The following PRKX variants were observed in gnomAD, a reference collection of about 807,000 sequenced individuals.
The protein encoded by PRKX is protein kinase cAMP-dependent X-linked catalytic subunit.
A neutral mutation model predicts 22.0 loss-of-function variants in PRKX; 12 were observed. That is an observed-to-expected ratio of 0.54 (90% CI 0.35 to 0.88). The LOEUF (loss-of-function observed/expected upper bound fraction) is 0.88. Among genes scored for constraint, PRKX ranks in the 40% least tolerant of loss-of-function variants. The pLI is 0.01. For synonymous variants in PRKX, 134 were observed against 137.7 expected, an observed-to-expected ratio of 0.97 and a Z score of 0.19; for missense variants, 217 against 308.0, an observed-to-expected ratio of 0.70 and a Z score of 2.21.
chrX:3,699,582 G>A (rs777518189), intron 1 of PRKX, among the ~76,000 whole-genome samples: 45 of 111,009 alleles, frequency 4.1e-4, no homozygotes, highest in Non-Finnish European at 7.2e-4. Context: ...TCAAACTCCT[G>A]ACCTCAGGTG....
intron 1 of PRKX, among the ~76,000 whole-genome samples, chrX:3,697,721 T>G (rs12397026): frequency 0.47 from 50,932 of 108,560 alleles, 10,136 homozygotes; most frequent in African/African-American, 0.73. Flanking sequence ...CACTTTTTTG[T>G]TTTTGTTTTT....
At chrX:3,637,219 A>C (rs951968799) in intron 4 of PRKX, among the ~76,000 whole-genome samples, 1 of 110,830 alleles carries the variant, frequency 9.0e-6, no homozygotes, top group Non-Finnish European at 1.9e-5. Context: ...GCACGTTTAA[A>C]AAGCAGTGGG....
At chrX:3,663,463 CACACAA>C (rs774346440) in intron 2 of PRKX, among the ~76,000 whole-genome samples, 148 of 79,212 alleles carry the variant, frequency 1.9e-3, no homozygotes, top group African/African-American at 6.4e-3. Context: ...CACACACACA[CACACAA>C]AAAAATTCAA....
intron 4 of PRKX, among the ~76,000 whole-genome samples, chrX:3,638,973 TAAAGAGATGG>T (rs1926960973): frequency 1.0e-5 from 1 of 100,276 alleles, no homozygotes; most frequent in South Asian, 5.1e-4. Flanking sequence ...ATCGTAGAGA[TAAAGAGATGG>T]AGAGAGATGG....
At chrX:3,673,170 C>T (rs1247383146) in intron 2 of PRKX, among the ~76,000 whole-genome samples, 2 of 111,012 alleles carry the variant, frequency 1.8e-5, no homozygotes, top group Non-Finnish European at 1.9e-5. Context: ...CCCTGTGTCC[C>T]GGGGACAGCA....
chrX:3,662,997 TTAAAAAA>T (rs1927633721), intron 2 of PRKX, among the ~76,000 whole-genome samples: 1 of 32,467 alleles, frequency 3.1e-5, no homozygotes, highest in Non-Finnish European at 7.1e-5. Context: ...GGCCCTGTCT[TTAAAAAA>T]AAAAAAAAAA....
intron 1 of PRKX, among the ~76,000 whole-genome samples, chrX:3,701,323 C>G (rs780701985): frequency 8.9e-6 from 1 of 111,770 alleles, no homozygotes; most frequent in South Asian, 3.8e-4. Context: ...CCAGGCTAGT[C>G]TAGAACTGCT....
intron 1 of PRKX, among the ~76,000 whole-genome samples, chrX:3,675,390 T>C (rs374390011): frequency 9.0e-5 from 10 of 111,436 alleles, no homozygotes; most frequent in African/African-American, 3.3e-4. Flanking sequence ...AGAAAACCAA[T>C]AGCTCTACTG....
chrX:3,634,425 G>A (rs1305053940), intron 4 of PRKX, among the ~76,000 whole-genome samples: 3 of 109,423 alleles, frequency 2.7e-5, no homozygotes, highest in East Asian at 5.8e-4. Flanking sequence ...ATATAGCCCC[G>A]GGCACGTTGA....
chrX:3,637,482 C>G (rs56381952), intron 4 of PRKX, among the ~76,000 whole-genome samples: 30,014 of 109,959 alleles, frequency 0.27, 3,245 homozygotes, highest in Admixed American at 0.44. Context: ...CAGGCGAGCT[C>G]AGGCCGGCTG....
chrX:3,685,345 C>G (rs1374390425), intron 1 of PRKX, among the ~76,000 whole-genome samples: 2 of 107,464 alleles, frequency 1.9e-5, no homozygotes. Flanking sequence ...TCTCTCCTTC[C>G]TACTTTTTTC....
intron 1 of PRKX, 60 bp downstream of exon 1, chrX:3,713,028 A>G: frequency 9.0e-6 from 10 of 1,109,051 alleles, no homozygotes; most frequent in Non-Finnish European, 1.2e-5. Context: ...TTGTCCTACT[A>G]CAACGTCCCG....
chrX:3,673,298 G>A (rs1374801665), intron 2 of PRKX, among the ~76,000 whole-genome samples: 1 of 111,671 alleles, frequency 9.0e-6, no homozygotes, highest in African/African-American at 3.3e-5. Flanking sequence ...CGGAATGAGT[G>A]TGTGAACAGC....
chrX:3,651,880 ATC>A (rs1927340760), intron 3 of PRKX, among the ~76,000 whole-genome samples: 1 of 112,328 alleles, frequency 8.9e-6, no homozygotes, highest in South Asian at 3.7e-4. Context: ...GGATGTCATT[ATC>A]TAATTCTACT....
chrX:3,668,816 G>C (rs780657419), intron 2 of PRKX, among the ~76,000 whole-genome samples: 1 of 112,527 alleles, frequency 8.9e-6, no homozygotes, highest in Non-Finnish European at 1.9e-5. Context: ...GCAGGCTCAG[G>C]GGCTGGGGCA....
At chrX:3,639,842 G>A (rs1371517638) in intron 4 of PRKX, among the ~76,000 whole-genome samples, 1 of 110,614 alleles carries the variant, frequency 9.0e-6, no homozygotes, top group African/African-American at 3.3e-5. Context: ...TAAGCACATG[G>A]GACGATGACC....
intron 7 of PRKX, among the ~76,000 whole-genome samples, chrX:3,614,512 C>A (rs1475662313): frequency 2.1e-4 from 23 of 111,403 alleles, no homozygotes; most frequent in African/African-American, 7.2e-4. Flanking sequence ...AAATAATAAA[C>A]TAAGCCAGAC....
intron 1 of PRKX, among the ~76,000 whole-genome samples, chrX:3,692,915 G>A (rs905397086): frequency 6.3e-5 from 7 of 110,879 alleles, no homozygotes; most frequent in African/African-American, 1.6e-4. Flanking sequence ...ATTAGGTGTC[G>A]GCTTCTAACA....
chrX:3,672,933 G>A lies in PRKX; in HGVS notation c.335+1665C>T, dbSNP rs184175461. ...GTTGGGAGGCGGCAGAGGCTGCAGT[G>A]GGCCATGATTGTGCCACTGAATTCC... On this transcript the variant is annotated intron_variant, in intron 2 of 8. Coordinates refer to ENST00000262848, the MANE Select transcript of PRKX (RefSeq NM_005044.5). 2.1e-3 allele frequency among the ~76,000 whole-genome samples: 230 copies of A among 111,424 alleles called. 2 individuals are homozygous for A. The highest frequency in any genetic ancestry group is 3.3e-3 in the Admixed American group (34 of 10,422).
Sources: gnomAD v4.1 joint callset for allele counts (sites outside exome capture counted in the v4.1 genomes callset) on GRCh38, gnomAD v4.1.1 for gene constraint, MANE v1.5 for transcripts, NCBI Gene and HGNC (gene_info 2026-07-23, HGNC 2026-07-21) for gene names.